Variants in PCYT2 observed in about 807,000 individuals in gnomAD.
The protein encoded by PCYT2 is phosphate cytidylyltransferase 2, ethanolamine, also known as ethanolamine-phosphate cytidylyltransferase.
PCYT2 carries 33 observed loss-of-function variants against 50.0 expected under a neutral mutation model. That is an observed-to-expected ratio of 0.66 (90% CI 0.50 to 0.88). PCYT2 has a LOEUF of 0.88. Among genes scored for constraint, PCYT2 ranks in the 40% least tolerant of loss-of-function variants. PCYT2 has a pLI of 0.00. For missense variants in PCYT2, 430 were observed against 519.7 expected, an observed-to-expected ratio of 0.83 and a Z score of 1.68; for synonymous variants, 240 against 203.7, an observed-to-expected ratio of 1.18 and a Z score of -1.52.
At chr17:81,909,171 T>C (rs1279674217) in intron 2 of PCYT2, 134 bp from the exon 3 acceptor site, 2 of 1,474,818 alleles carry the variant, frequency 1.4e-6, no homozygotes, top group African/African-American at 2.8e-5. Flanking sequence ...CCCTGGCCCT[T>C]AGCCCACTAG....
At position 81,905,174 on chromosome 17, in the gene PCYT2, G is replaced by T; in HGVS notation, c.970-20C>A. 2 of 1,599,080 alleles carry T rather than the reference G, an allele frequency of 1.3e-6. No homozygotes were observed. Among genetic ancestry groups the T allele is most frequent in the South Asian group, 1.1e-5 (1 of 89,462 alleles). On this transcript the variant is annotated intron_variant, in intron 11 of 12. Transcript: ENST00000538936. ...GGGCTCCTGGGGGTCCAGAGAGGAG[G>T]AGCGGGATGAAGGTCCCTGCTGACC...
chr17:81,911,066 C>A, intron 1 of PCYT2: 1 of 1,001,568 alleles, frequency 1.0e-6, no homozygotes, highest in Non-Finnish European at 1.2e-6. Context: ...CAGAGGTAGA[C>A]GGGGTCGCCC....
intron 5 of PCYT2, 65 bp from the exon 6 acceptor site, chr17:81,907,663 C>A (rs2040350461): frequency 6.2e-7 from 1 of 1,601,548 alleles, no homozygotes; most frequent in Non-Finnish European, 8.5e-7. Flanking sequence ...CCAGAACCGG[C>A]TGGGGATGGG....
Position 81,903,225 on chromosome 17 carries a change from T to G in PCYT2, c.*1608A>C. 6.2e-6 allele frequency: 1 copy of G among 161,670 alleles called. No homozygotes were observed. The highest frequency in any genetic ancestry group is 1.3e-5 in the Non-Finnish European group (1 of 74,726). The allele number at this position is 161,670 out of a possible 1,614,324, so 10.0% of individuals were successfully genotyped here. On this transcript the variant is annotated 3_prime_UTR_variant, in exon 13 of 13. Coordinates refer to ENST00000538936, the MANE Select transcript of PCYT2 (RefSeq NM_002861.5). ...GCTGGAGCCCCTGGCTGCCTTCCTC[T>G]TGCCCCCATCCCTTCTGGCCAGGCC...
chr17:81,909,252 A>G, intron 2 of PCYT2: 4 of 1,429,946 alleles, frequency 2.8e-6, no homozygotes, highest in Non-Finnish European at 3.6e-6. Context: ...TCTGACGAGC[A>G]GGTGCTCAGC....
intron 1 of PCYT2, 147 bp downstream of exon 1, chr17:81,911,120 C>A (rs2040578511): frequency 3.0e-6 from 3 of 1,002,358 alleles, no homozygotes; most frequent in Non-Finnish European, 3.6e-6. Context: ...TCCCGGCAGG[C>A]GAGCCCCGCA....
Position 81,908,550 on chromosome 17 carries a change from C to A in PCYT2, c.407+18G>T. The A allele has an allele frequency of 1.9e-6, 3 of 1,604,550 alleles. No individual in the cohort carries two copies. Among genetic ancestry groups the A allele is most frequent in the Non-Finnish European group, 2.6e-6 (3 of 1,172,034 alleles). On this transcript the variant is annotated intron_variant, in intron 4 of 12. Coordinates refer to ENST00000538936, the MANE Select transcript of PCYT2 (RefSeq NM_002861.5). ...GTGTCCAGCTCCCTGGATGGCCAGG[C>A]CCGCGGTGGAGACTCACCTGTACCT...
At position 81,906,191 on chromosome 17, in the gene PCYT2, G is replaced by A; in HGVS notation, c.760-14C>T. The A allele has an allele frequency of 6.2e-7, 1 of 1,605,124 alleles. No individual in the cohort carries two copies. The highest frequency in any genetic ancestry group is 8.5e-7 in the Non-Finnish European group (1 of 1,175,362). Reference sequence around the variant, plus strand: ...GTGATTGACCTCCTGCGGCCAGAGTGCGGCTAGCTCAGCCCGGAGACTTTT... The same window carrying A: ...GTGATTGACCTCCTGCGGCCAGAGTACGGCTAGCTCAGCCCGGAGACTTTT... On this transcript the variant is annotated splice_polypyrimidine_tract_variant and intron_variant, in intron 8 of 12. Transcript: ENST00000538936.
Position 81,902,713 on chromosome 17 carries a change from C to T in PCYT2, c.*2120G>A. On this transcript the variant is annotated 3_prime_UTR_variant, in exon 13 of 13. Coordinates refer to ENST00000538936, the MANE Select transcript of PCYT2 (RefSeq NM_002861.5). Reference sequence around the variant, plus strand: ...CTACCAGTGCAAGGCGAACGTCTTCCTGTCCCTGCGCGCAGCCGACTGCCT... The same window carrying T: ...CTACCAGTGCAAGGCGAACGTCTTCTTGTCCCTGCGCGCAGCCGACTGCCT... The T allele has an allele frequency of 6.2e-7, 1 of 1,608,936 alleles. No homozygotes were observed. The highest frequency in any genetic ancestry group is 8.5e-7 in the Non-Finnish European group (1 of 1,178,788).
rs142095845 is a variant in PCYT2 at position 81,904,635 on chromosome 17, C to G, written c.*198G>C. ...CGGCCTCTCCACTGTGCTGGACACC[C>G]TCTCTGAGCAGCTTTGCTGGAAAGA... On this transcript the variant is annotated 3_prime_UTR_variant, in exon 13 of 13. Transcript: ENST00000538936. 1 of 578,842 alleles carries G rather than the reference C, an allele frequency of 1.7e-6. No homozygotes were observed. Among genetic ancestry groups the G allele is most frequent in the Non-Finnish European group, 3.1e-6 (1 of 325,878 alleles). The allele number at this position is 578,842 out of a possible 1,614,324, so 35.9% of individuals were successfully genotyped here. A position where few individuals can be genotyped will look rare whatever the true frequency, so the allele number is the denominator to read the frequency against.
Position 81,908,646 on chromosome 17 carries a change from C to T in PCYT2, c.341-12G>A, listed in dbSNP as rs530029152. ...CAGGGTGATGTCATCTAAGCAGTGA[C>T]ACACAAGGACAAGGATCCTTAACCC... is the stretch of plus-strand genomic sequence containing the variant. On this transcript the variant is annotated splice_polypyrimidine_tract_variant and intron_variant, in intron 3 of 12. Transcript: ENST00000538936. 2 of 1,608,696 alleles carry T rather than the reference C, an allele frequency of 1.2e-6. No homozygotes were observed. Among genetic ancestry groups the T allele is most frequent in the Non-Finnish European group, 1.7e-6 (2 of 1,175,372 alleles).
chr17:81,905,800 G>A lies in PCYT2; in HGVS notation c.838-65C>T, dbSNP rs750380774. The stretch of plus-strand genomic sequence containing the variant: ...TGCTACTGGTAAGCCAGGGCCACAG[G>A]GTGGTGAGAGACGGCTCAGACATGG... On this transcript the variant is annotated intron_variant, in intron 9 of 12. Coordinates refer to ENST00000538936, the MANE Select transcript of PCYT2 (RefSeq NM_002861.5). The A allele has an allele frequency of 1.0e-4, 157 of 1,522,234 alleles. No individual in the cohort carries two copies. In the Middle Eastern group the frequency reaches 1.4e-3, roughly 13 times the overall value. 94.3% of individuals were successfully genotyped at this position (1,522,234 alleles called of 1,614,324 possible).
In PCYT2 at chr17:81,902,545, G is replaced by A. The variant is rs759242584; in HGVS notation, c.*2288C>T. 99 of 1,484,166 alleles carry A rather than the reference G, an allele frequency of 6.7e-5. No individual in the cohort carries two copies. Among genetic ancestry groups the A allele is most frequent in the East Asian group, 3.1e-4 (11 of 35,810 alleles). The allele number at this position is 1,484,166 out of a possible 1,614,324, so 91.9% of individuals were successfully genotyped here. ...GAGCCTCGTGAGTCCGGCGTGCCGG[G>A]GACTGATGGGGGGCGGCGGCAGGAC... On this transcript the variant is annotated 3_prime_UTR_variant, in exon 13 of 13. Coordinates refer to ENST00000538936, the MANE Select transcript of PCYT2 (RefSeq NM_002861.5).
chr17:81,902,316 G>T lies in PCYT2; in HGVS notation c.*2517C>A. 1.5e-6 allele frequency: 2 copies of T among 1,335,728 alleles called. No homozygotes were observed. The highest frequency in any genetic ancestry group is 1.9e-6 in the Non-Finnish European group (2 of 1,050,194). The allele number at this position is 1,335,728 out of a possible 1,614,324, so 82.7% of individuals were successfully genotyped here. The stretch of plus-strand genomic sequence containing the variant: ...CGACACTGGCGGCCGCCGCCCTGGC[G>T]CTGTGCCTGCTGCTGGCGCCGCCTG... On this transcript the variant is annotated 3_prime_UTR_variant, in exon 13 of 13. Coordinates refer to ENST00000538936, the MANE Select transcript of PCYT2 (RefSeq NM_002861.5).
Position 81,902,219 on chromosome 17 carries a change from C to T in PCYT2, c.*2614G>A. The T allele has an allele frequency of 2.5e-6, 3 of 1,210,500 alleles. No individual in the cohort carries two copies. The highest frequency in any genetic ancestry group is 6.9e-5 in the East Asian group (2 of 29,112). The allele number at this position is 1,210,500 out of a possible 1,614,324, so 75.0% of individuals were successfully genotyped here. A position where few individuals can be genotyped will look rare whatever the true frequency, so the allele number is the denominator to read the frequency against. On this transcript the variant is annotated 3_prime_UTR_variant, in exon 13 of 13. Coordinates refer to ENST00000538936, the MANE Select transcript of PCYT2 (RefSeq NM_002861.5). ...CGCCCTCGCCGCAGATATAAGGCGG[C>T]CCAGGCGGTGGCTGCTCCGAGCCCG...
intron 4 of PCYT2, among the ~76,000 whole-genome samples, chr17:81,908,279 C>T (rs752330607): frequency 6.6e-6 from 1 of 152,252 alleles, no homozygotes; most frequent in African/African-American, 2.4e-5. Flanking sequence ...AGATATAGTG[C>T]CAGCTCCCCA....
At chr17:81,907,490 G>T in intron 6 of PCYT2, 64 bp downstream of exon 6, 1 of 1,519,512 alleles carries the variant, frequency 6.6e-7, no homozygotes, top group Non-Finnish European at 9.0e-7. Flanking sequence ...GGATGGCTGG[G>T]ACAGGTGGCC....
rs1351985403 is a variant in PCYT2, at chr17:81,904,856, C to A, written c.1147G>T (p.Gly383Trp). 1.9e-6 allele frequency: 3 copies of A among 1,612,016 alleles called. No individual in the cohort carries two copies. Residue 383 changes from glycine to tryptophan, a missense_variant, in exon 13 of 13, where the codon GGG (glycine) becomes TGG (tryptophan). By Grantham distance (184) the Gly-to-Trp change is radical. Transcript: ENST00000538936. ...GGTTAGAAGTCACCATCGCGCTCCC[C>A]CAGGGGCTGTGCCGCCTGCTGCCTG... Reference protein sequence around the residue: ...AARQQAAQPLGERDGDF With the variant: ...AARQQAAQPLWERDGDF
rs1032020333 is a variant in PCYT2 at position 81,902,540 on chromosome 17, G to T, written c.*2293C>A. The stretch of plus-strand genomic sequence containing the variant: ...CTGCGGAGCCTCGTGAGTCCGGCGT[G>T]CCGGGGACTGATGGGGGGCGGCGGC... On this transcript the variant is annotated 3_prime_UTR_variant, in exon 13 of 13. Transcript: ENST00000538936. 6.8e-7 allele frequency: 1 copy of T among 1,479,484 alleles called. No homozygotes were observed. Among genetic ancestry groups the T allele is most frequent in the Non-Finnish European group, 8.9e-7 (1 of 1,121,800 alleles). 91.6% of individuals were successfully genotyped at this position (1,479,484 alleles called of 1,614,324 possible). A position where few individuals can be genotyped will look rare whatever the true frequency, so the allele number is the denominator to read the frequency against.
Sources: gnomAD v4.1 joint callset for allele counts (sites outside exome capture counted in the v4.1 genomes callset) on GRCh38, gnomAD v4.1.1 for gene constraint, MANE v1.5 for transcripts, NCBI Gene and HGNC (gene_info 2026-07-23, HGNC 2026-07-21) for gene names.